Variants in PCBP3 observed in about 807,000 individuals in gnomAD.
The protein encoded by PCBP3 is poly(rC)-binding protein 3.
Under a neutral mutation model 52.7 loss-of-function variants are expected in PCBP3, and 25 were observed. The ratio of observed to expected loss-of-function variants is 0.47; its 90% CI spans 0.35 to 0.66. The LOEUF (loss-of-function observed/expected upper bound fraction) is 0.66. Ranked by LOEUF, PCBP3 falls within the 30% of genes least tolerant of loss-of-function variation. PCBP3 has a pLI of 0.01. For missense variants in PCBP3, 391 were observed against 490.3 expected (o/e 0.80, Z 1.91); for synonymous variants, 162 against 183.0 (o/e 0.89, Z 0.93).
At chr21:45,778,211 T>A (rs1234876630) in intron 4 of PCBP3, among the ~76,000 whole-genome samples, 2 of 152,186 alleles carry the variant, frequency 1.3e-5, no homozygotes, top group Non-Finnish European at 2.9e-5. Flanking sequence ...CTGTGATTTC[T>A]TCAGTAGGTT....
Position 45,767,974 on chromosome 21 carries a change from GT to G in PCBP3, c.-126+12525del, listed in dbSNP as rs144290047. ...CTAGCAGGTTTGTTTTTGCTTGATT[GT>G]TTGAGAAGGATGCCTGTAGTTTTAG... On this transcript the variant is annotated intron_variant, in intron 4 of 17. Transcript: ENST00000681687. 1.7e-3 allele frequency among the ~76,000 whole-genome samples: 258 copies of G among 152,372 alleles called. 1 individual carries two copies. Among genetic ancestry groups the G allele is most frequent in the Middle Eastern group, 6.8e-3 (2 of 294 alleles).
At chr21:45,825,482 G>A (rs2093282384) in intron 4 of PCBP3, among the ~76,000 whole-genome samples, 1 of 152,130 alleles carries the variant, frequency 6.6e-6, no homozygotes, top group South Asian at 2.1e-4. Flanking sequence ...CTTCTGTCTT[G>A]TCCCTCAACC....
chr21:45,725,663 A>C (rs2084972508), intron 2 of PCBP3, among the ~76,000 whole-genome samples: 1 of 152,192 alleles, frequency 6.6e-6, no homozygotes, highest in Non-Finnish European at 1.5e-5. Flanking sequence ...GAGGGCCCAC[A>C]ACCAAAGAAA....
intron 4 of PCBP3, among the ~76,000 whole-genome samples, chr21:45,824,148 T>C (rs2093238317): frequency 2.0e-5 from 3 of 152,238 alleles, no homozygotes; most frequent in African/African-American, 7.2e-5. Context: ...TTTGTCATTG[T>C]CTTGGGCAGG....
At chr21:45,782,184 T>A (rs2090688301) in intron 4 of PCBP3, among the ~76,000 whole-genome samples, 2 of 152,136 alleles carry the variant, frequency 1.3e-5, no homozygotes. Flanking sequence ...ACAAGAACAG[T>A]AAGTGAAAGA....
chr21:45,652,182 A>G (rs577230527), intron 1 of PCBP3, among the ~76,000 whole-genome samples: 10 of 152,306 alleles, frequency 6.6e-5, no homozygotes, highest in Admixed American at 5.9e-4. Context: ...GTTCTGAGCC[A>G]GCCCTTGTTC....
At chr21:45,774,714 T>C (rs1346081013) in intron 4 of PCBP3, among the ~76,000 whole-genome samples, 1 of 152,212 alleles carries the variant, frequency 6.6e-6, no homozygotes, top group Non-Finnish European at 1.5e-5. Flanking sequence ...GTTGAGAGTT[T>C]TTATCATGAG....
intron 2 of PCBP3, among the ~76,000 whole-genome samples, chr21:45,694,270 A>C (rs1053719445): frequency 4.6e-5 from 7 of 152,092 alleles, no homozygotes; most frequent in African/African-American, 1.4e-4. Flanking sequence ...TAGATTAAAC[A>C]CTCCAATTAA....
intron 4 of PCBP3, among the ~76,000 whole-genome samples, chr21:45,799,072 A>G (rs1257097827): frequency 6.6e-6 from 1 of 152,210 alleles, no homozygotes; most frequent in Non-Finnish European, 1.5e-5. Flanking sequence ...GCGTACATGG[A>G]TGAATGCATG....
At chr21:45,733,581 G>A (rs989955412) in intron 2 of PCBP3, among the ~76,000 whole-genome samples, 1 of 151,610 alleles carries the variant, frequency 6.6e-6, no homozygotes, top group African/African-American at 2.4e-5. Flanking sequence ...ATGAGCCACC[G>A]TGCCTGGCCT....
At chr21:45,922,810 C>T (rs2074634671) in intron 13 of PCBP3, among the ~76,000 whole-genome samples, 1 of 152,358 alleles carries the variant, frequency 6.6e-6, no homozygotes, top group African/African-American at 2.4e-5. Flanking sequence ...TGAGAGGTGC[C>T]TTGGCCAGAG....
At chr21:45,871,108 GA>G (rs2094988272) in intron 5 of PCBP3, 1 of 176,688 alleles carries the variant, frequency 5.7e-6, no homozygotes, top group African/African-American at 2.6e-5. Context: ...GGAGAGATGG[GA>G]ACCCCCCAGG....
rs558621452 is a variant in PCBP3, at chr21:45,793,596, G to A, written c.-126+38144G>A. Among the ~76,000 whole-genome samples the A allele has an allele frequency of 2.6e-5, 4 of 152,220 alleles. No homozygotes were observed. In the South Asian group the frequency reaches 6.2e-4, roughly 24 times the overall value. ...GGACTGACCAGTATTGAGTGGGCGCGGGGAAAACATGGCTGCCAGGACCTG... is the reference window on the plus strand; with the variant it reads ...GGACTGACCAGTATTGAGTGGGCGCAGGGAAAACATGGCTGCCAGGACCTG... On this transcript the variant is annotated intron_variant, in intron 4 of 17. Transcript: ENST00000681687.
chr21:45,789,880 C>G (rs1448793491), intron 4 of PCBP3, among the ~76,000 whole-genome samples: 1 of 152,176 alleles, frequency 6.6e-6, no homozygotes, highest in Non-Finnish European at 1.5e-5. Flanking sequence ...TGGCTCACGC[C>G]TGTAATCCCA....
intron 5 of PCBP3, among the ~76,000 whole-genome samples, chr21:45,861,516 C>T (rs1016431160): frequency 8.5e-5 from 13 of 152,162 alleles, no homozygotes; most frequent in African/African-American, 1.9e-4. Flanking sequence ...TCTCCCCATC[C>T]GTAACAGGAA....
At chr21:45,718,251 G>T (rs73232733) in intron 2 of PCBP3, among the ~76,000 whole-genome samples, 13,687 of 143,708 alleles carry the variant, frequency 0.095, 806 homozygotes, top group Non-Finnish European at 0.13. Context: ...TCAATTTTTT[G>T]ATCTTTTCAA....
intron 4 of PCBP3, among the ~76,000 whole-genome samples, chr21:45,777,890 C>T (rs2090364896): frequency 6.8e-6 from 1 of 146,760 alleles, no homozygotes; most frequent in South Asian, 2.1e-4. Flanking sequence ...ATTTTGAATT[C>T]TTTATTTGGG....
intron 2 of PCBP3, among the ~76,000 whole-genome samples, chr21:45,710,577 A>G (rs139667431): frequency 9.8e-5 from 15 of 152,300 alleles, no homozygotes; most frequent in African/African-American, 3.6e-4. Flanking sequence ...TGCTGCTATA[A>G]CGACACATGC....
chr21:45,742,530 G>A (rs543590856), intron 3 of PCBP3, among the ~76,000 whole-genome samples: 20 of 152,138 alleles, frequency 1.3e-4, no homozygotes, highest in Non-Finnish European at 2.9e-4. Context: ...CATCTGATCT[G>A]TAGCATTTTG....
Sources: allele counts gnomAD v4.1 joint callset (sites outside exome capture counted in the v4.1 genomes callset), GRCh38; gene constraint gnomAD v4.1.1; transcripts MANE v1.5; gene names NCBI Gene and HGNC (gene_info 2026-07-23, HGNC 2026-07-21).